Variants in CDH12 observed in about 807,000 individuals in gnomAD.
CDH12 encodes cadherin-12.
In CDH12, 41 loss-of-function variants were observed where a neutral mutation model predicts 74.1. The observed-to-expected ratio is 0.55, with a 90% CI of 0.43 to 0.72. The LOEUF is 0.72. Ranked by LOEUF, CDH12 falls within the 30% of genes least tolerant of loss-of-function variation. CDH12 has a pLI of 0.00. For missense variants in CDH12, 945 were observed against 977.2 expected, an observed-to-expected ratio of 0.97 and a Z score of 0.44; for synonymous variants, 399 against 355.0, an observed-to-expected ratio of 1.12 and a Z score of -1.39.
chr5:22,711,121 A>G (rs1743266362), intron 1 of CDH12, among the ~76,000 whole-genome samples: 1 of 152,184 alleles, frequency 6.6e-6, no homozygotes, highest in Non-Finnish European at 1.5e-5. Context: ...GGGAAAATCT[A>G]GAAAAAAACA....
chr5:22,263,541 TA>T (rs1382143175), intron 3 of CDH12, among the ~76,000 whole-genome samples: 1 of 152,078 alleles, frequency 6.6e-6, no homozygotes, highest in African/African-American at 2.4e-5. Context: ...CTCATCAACT[TA>T]AAAACATCCT....
chr5:22,702,353 C>A (rs1258773483), intron 1 of CDH12, among the ~76,000 whole-genome samples: 1 of 152,116 alleles, frequency 6.6e-6, no homozygotes. Context: ...ACCACTGATA[C>A]AAGGCAGATT....
At chr5:22,312,561 C>T (rs898921317) in intron 3 of CDH12, among the ~76,000 whole-genome samples, 4 of 152,100 alleles carry the variant, frequency 2.6e-5, no homozygotes, top group Non-Finnish European at 4.4e-5. Context: ...TTTATTGCTG[C>T]AAATATTCCA....
At chr5:22,820,249 T>C (rs1014848337) in intron 1 of CDH12, among the ~76,000 whole-genome samples, 3 of 151,858 alleles carry the variant, frequency 2.0e-5, no homozygotes. Context: ...ATTTGAAAAG[T>C]AGTGTCTTAA....
intron 3 of CDH12, among the ~76,000 whole-genome samples, chr5:22,236,215 A>T (rs1752554360): frequency 1.3e-5 from 2 of 152,198 alleles, no homozygotes; most frequent in South Asian, 4.1e-4. Flanking sequence ...GGCTATACTA[A>T]ATGTATACTA....
At chr5:22,485,366 G>T (rs1477968370) in intron 2 of CDH12, among the ~76,000 whole-genome samples, 2 of 152,012 alleles carry the variant, frequency 1.3e-5, no homozygotes, top group Non-Finnish European at 2.9e-5. Context: ...CATATACATT[G>T]TTTTAAAAGA....
intron 1 of CDH12, among the ~76,000 whole-genome samples, chr5:22,554,546 T>A (rs963119137): frequency 2.0e-5 from 3 of 152,066 alleles, no homozygotes; most frequent in Non-Finnish European, 2.9e-5. Flanking sequence ...AATAATAAAT[T>A]AATTGTTGAC....
At chr5:22,252,791 A>G (rs1010278664) in intron 3 of CDH12, among the ~76,000 whole-genome samples, 6 of 151,812 alleles carry the variant, frequency 4.0e-5, no homozygotes, top group African/African-American at 1.5e-4. Flanking sequence ...CTTCCGATCT[A>G]TGAAGCCTTA....
intron 1 of CDH12, among the ~76,000 whole-genome samples, chr5:22,723,688 G>T (rs1744014638): frequency 6.6e-6 from 1 of 151,970 alleles, no homozygotes; most frequent in Non-Finnish European, 1.5e-5. Flanking sequence ...TTTAAGAAAA[G>T]CTAGTTTATT....
chr5:22,250,393 G>T lies in CDH12; in HGVS notation c.-332-37750C>A, dbSNP rs138040798. Among the ~76,000 whole-genome samples, 47 of 152,192 alleles carry T rather than the reference G, an allele frequency of 3.1e-4. No individual in the cohort carries two copies. In the East Asian group the frequency reaches 8.7e-3, roughly 28 times the overall value. ...CTCACAGGTTAGGTAGCTGATTCTG[G>T]CTGGCGGCTGGGACCTCAGCTGGGG... On this transcript the variant is annotated intron_variant, in intron 3 of 14. Coordinates refer to ENST00000382254, the MANE Select transcript of CDH12 (RefSeq NM_004061.5).
chr5:22,783,749 T>C (rs1475440230), intron 1 of CDH12, among the ~76,000 whole-genome samples: 1 of 152,150 alleles, frequency 6.6e-6, no homozygotes, highest in Admixed American at 6.6e-5. Flanking sequence ...TTTCAAATTG[T>C]ATATGGGGCT....
At chr5:22,727,980 C>T (rs1448695240) in intron 1 of CDH12, among the ~76,000 whole-genome samples, 1 of 151,564 alleles carries the variant, frequency 6.6e-6, no homozygotes, top group Non-Finnish European at 1.5e-5. Context: ...GTTGTTGCCT[C>T]CATTTCTAAT....
At chr5:22,230,620 GCCA>G (rs1752350952) in intron 3 of CDH12, among the ~76,000 whole-genome samples, 1 of 151,728 alleles carries the variant, frequency 6.6e-6, no homozygotes, top group African/African-American at 2.4e-5. Context: ...ACAGGTGCAC[GCCA>G]CCATGCCCAG....
At chr5:22,766,544 T>C (rs1020812044) in intron 1 of CDH12, among the ~76,000 whole-genome samples, 10 of 152,084 alleles carry the variant, frequency 6.6e-5, no homozygotes, top group Admixed American at 3.3e-4. Flanking sequence ...AACAGTACTT[T>C]AGAAGTACAT....
At chr5:22,561,415 T>G (rs931712825) in intron 1 of CDH12, among the ~76,000 whole-genome samples, 11 of 152,194 alleles carry the variant, frequency 7.2e-5, no homozygotes, top group African/African-American at 2.7e-4. Flanking sequence ...CATTATAATT[T>G]AATTTGAAAT....
chr5:21,888,349 A>G (rs1057123725), intron 6 of CDH12, among the ~76,000 whole-genome samples: 4 of 152,172 alleles, frequency 2.6e-5, no homozygotes, highest in African/African-American at 9.7e-5. Context: ...CAAACACCTT[A>G]CCTGTTAGCT....
At chr5:21,902,474 C>T (rs1394057094) in intron 6 of CDH12, among the ~76,000 whole-genome samples, 1 of 152,000 alleles carries the variant, frequency 6.6e-6, no homozygotes, top group African/African-American at 2.4e-5. Flanking sequence ...AGACTTAATG[C>T]AGAATCCATG....
chr5:22,523,130 T>G (rs1202392591), intron 1 of CDH12, among the ~76,000 whole-genome samples: 1 of 152,206 alleles, frequency 6.6e-6, no homozygotes, highest in Non-Finnish European at 1.5e-5. Context: ...ATTCCCCTCT[T>G]GACTTTGAAA....
At chr5:22,734,812 T>C (rs1744603991) in intron 1 of CDH12, among the ~76,000 whole-genome samples, 1 of 151,878 alleles carries the variant, frequency 6.6e-6, no homozygotes, top group Non-Finnish European at 1.5e-5. Flanking sequence ...TCCTAAAATA[T>C]AAAATGGAAA....
Sources: gnomAD v4.1 joint callset for allele counts (sites outside exome capture counted in the v4.1 genomes callset) on GRCh38, gnomAD v4.1.1 for gene constraint, MANE v1.5 for transcripts, NCBI Gene and HGNC (gene_info 2026-07-23, HGNC 2026-07-21) for gene names.